Variants in UGT2A1 observed in about 807,000 individuals in gnomAD.
The protein encoded by UGT2A1 is UDP-glucuronosyltransferase 2A1.
UGT2A1 carries 61 observed loss-of-function variants against 45.4 expected under a neutral mutation model. The ratio of observed to expected loss-of-function variants is 1.34; its 90% CI spans 1.09 to 1.66. The LOEUF (loss-of-function observed/expected upper bound fraction) is 1.66, where lower values mean the gene tolerates loss of function less well. Ranked by LOEUF, UGT2A1 falls within the 40% of genes most tolerant of loss-of-function variation. The pLI is 0.00. For missense variants in UGT2A1, 649 were observed against 574.3 expected (o/e 1.13, Z -1.33); for synonymous variants, 229 against 196.2 (o/e 1.17, Z -1.40).
chr4:69,599,389 G>A lies in UGT2A1; in HGVS notation c.853C>T (p.Pro285Ser). The A allele has an allele frequency of 1.9e-6, 3 of 1,612,712 alleles. No individual in the cohort carries two copies. Among genetic ancestry groups the A allele is most frequent in the East Asian group, 2.2e-5 (1 of 44,832 alleles). ...CCCATAGTCTCACATAACGTAGTGG[G>A]TCTTCCTGGAGAAAATGTAACAAGT... is the stretch of plus-strand genomic sequence containing the variant. The part of the protein sequence containing the change: ...SWDYRLPAGR[P>S]TTLCETMGKA... The change falls in exon 4 of 7, where the codon CCC (proline) becomes TCC (serine). Residue 285 changes from proline to serine, a missense_variant. By Grantham distance (74) the Pro-to-Ser change is moderately conservative. Transcript: ENST00000286604.
intron 3 of UGT2A1, among the ~76,000 whole-genome samples, chr4:69,627,593 GAAAGA>G (rs1334708521): frequency 1.5e-5 from 2 of 135,436 alleles, no homozygotes; most frequent in African/African-American, 2.8e-5. Context: ...AAAAAAAGAA[GAAAGA>G]AAAGAAAGAA....
chr4:69,625,804 A>G (rs1230118567), intron 3 of UGT2A1, among the ~76,000 whole-genome samples: 3 of 151,592 alleles, frequency 2.0e-5, no homozygotes, highest in Non-Finnish European at 3.0e-5. Flanking sequence ...AAAAATCAAT[A>G]AACAAATATT....
intron 3 of UGT2A1, among the ~76,000 whole-genome samples, chr4:69,618,284 G>T (rs1720536620): frequency 6.6e-6 from 1 of 150,422 alleles, no homozygotes; most frequent in South Asian, 2.1e-4. Flanking sequence ...TGGTAAGTCT[G>T]GTTACAGTTC....
intron 5 of UGT2A1, 106 bp from the exon 6 acceptor site, chr4:69,594,802 A>T: frequency 7.4e-7 from 1 of 1,343,726 alleles, no homozygotes; most frequent in Admixed American, 2.6e-5. Flanking sequence ...CTAAAGAAGG[A>T]TACGTTTTCT....
At chr4:69,631,957 T>G (rs1049888964) in intron 3 of UGT2A1, among the ~76,000 whole-genome samples, 3 of 152,186 alleles carry the variant, frequency 2.0e-5, no homozygotes, top group Non-Finnish European at 4.4e-5. Flanking sequence ...AATAATATCA[T>G]TAAAATGACA....
chr4:69,640,818 T>A (rs569186233), intron 2 of UGT2A1, among the ~76,000 whole-genome samples: 14 of 151,830 alleles, frequency 9.2e-5, no homozygotes, highest in Non-Finnish European at 2.1e-4. Context: ...AATTTGAATA[T>A]AGTGGCAGTA....
intron 6 of UGT2A1, among the ~76,000 whole-genome samples, chr4:69,590,309 A>G (rs539952249): frequency 6.6e-6 from 1 of 152,362 alleles, no homozygotes; most frequent in African/African-American, 2.4e-5. Flanking sequence ...TCAACTTGCC[A>G]TCACAATAGA....
chr4:69,607,228 CCA>C (rs1553904408), intron 3 of UGT2A1, among the ~76,000 whole-genome samples: 29 of 134,258 alleles, frequency 2.2e-4, no homozygotes, highest in African/African-American at 2.8e-4. Context: ...GAGATAAAGA[CCA>C]ATGGAACAGA....
intron 3 of UGT2A1, among the ~76,000 whole-genome samples, chr4:69,600,614 T>C (rs1719224300): frequency 6.6e-6 from 1 of 152,152 alleles, no homozygotes; most frequent in African/African-American, 2.4e-5. Context: ...TACTTGAAAC[T>C]GAGTAATTTA....
chr4:69,643,729 A>C (rs1267449437), intron 2 of UGT2A1, among the ~76,000 whole-genome samples: 1 of 151,702 alleles, frequency 6.6e-6, no homozygotes, highest in Non-Finnish European at 1.5e-5. Flanking sequence ...TCCACTGCAG[A>C]GAAGTAAACT....
chr4:69,594,232 C>G (rs1433176410), intron 6 of UGT2A1, among the ~76,000 whole-genome samples: 2 of 152,058 alleles, frequency 1.3e-5, no homozygotes, highest in African/African-American at 4.8e-5. Flanking sequence ...CCTCAGCCTC[C>G]CAAAGTGCTA....
At position 69,602,514 on chromosome 4, in the gene UGT2A1, CAT is replaced by C. The variant is rs1336302092; in HGVS notation, c.848-3122_848-3121del. 4.4e-5 allele frequency among the ~76,000 whole-genome samples: 6 copies of C among 136,034 alleles called. 1 individual carries two copies. The highest frequency in any genetic ancestry group is 9.4e-5 in the Non-Finnish European group (6 of 64,096). The allele number at this position is 136,034 out of a possible 152,430, so 89.2% of individuals were successfully genotyped here. A position where few individuals can be genotyped will look rare whatever the true frequency, so the allele number is the denominator to read the frequency against. On this transcript the variant is annotated intron_variant, in intron 3 of 6. Transcript: ENST00000286604. ...ATCTATCTATCTATCTATCTGATATCATGTTATGTAACAAATCCAAAACAATA... is the reference window on the plus strand; with the variant it reads ...ATCTATCTATCTATCTATCTGATATCGTTATGTAACAAATCCAAAACAATA...
chr4:69,607,058 G>A (rs1248818016), intron 3 of UGT2A1, among the ~76,000 whole-genome samples: 1 of 110,382 alleles, frequency 9.1e-6, no homozygotes, highest in Non-Finnish European at 1.9e-5. Flanking sequence ...CACAGAATTG[G>A]AAAAAACTAC....
chr4:69,590,924 GTTAATGTTTATTAATTGCT>G (rs531791889), intron 6 of UGT2A1, among the ~76,000 whole-genome samples: 51 of 152,206 alleles, frequency 3.4e-4, no homozygotes, highest in African/African-American at 1.2e-3. Flanking sequence ...AAATGTAATT[GTTAATGTTTATTAATTGCT>G]TTAATGAATA....
At chr4:69,644,160 A>T (rs1722155834) in intron 2 of UGT2A1, among the ~76,000 whole-genome samples, 2 of 151,688 alleles carry the variant, frequency 1.3e-5, no homozygotes, top group Admixed American at 1.3e-4. Flanking sequence ...CTCTGAACAA[A>T]TTGTTAAGAA....
intron 3 of UGT2A1, among the ~76,000 whole-genome samples, chr4:69,600,658 C>T (rs11730451): frequency 0.14 from 21,291 of 151,986 alleles, 1,695 homozygotes; most frequent in Non-Finnish European, 0.18. Flanking sequence ...GGCTTATGGT[C>T]CCATAGGCTG....
chr4:69,643,276 G>T (rs1002583684), intron 2 of UGT2A1, among the ~76,000 whole-genome samples: 1 of 151,474 alleles, frequency 6.6e-6, no homozygotes, highest in Non-Finnish European at 1.5e-5. Context: ...GAAGAAAAGC[G>T]TTCAAGAAAA....
chr4:69,631,211 TATACTG>T (rs1158980314), intron 3 of UGT2A1, among the ~76,000 whole-genome samples: 2 of 152,144 alleles, frequency 1.3e-5, no homozygotes, highest in Non-Finnish European at 2.9e-5. Context: ...CAAAGATACC[TATACTG>T]TTTTAGTGAA....
chr4:69,630,711 G>A (rs1481895502), intron 3 of UGT2A1, among the ~76,000 whole-genome samples: 3 of 152,088 alleles, frequency 2.0e-5, no homozygotes, highest in Admixed American at 1.3e-4. Flanking sequence ...TGCCAAGGAT[G>A]TATAAAAATT....
Sources: allele counts gnomAD v4.1 joint callset (sites outside exome capture counted in the v4.1 genomes callset), GRCh38; gene constraint gnomAD v4.1.1; transcripts MANE v1.5; gene names NCBI Gene and HGNC (gene_info 2026-07-23, HGNC 2026-07-21).